Variants in KIRREL3 observed in about 807,000 individuals in gnomAD.
KIRREL3 encodes kin of IRRE-like protein 3.
A neutral mutation model predicts 89.7 loss-of-function variants in KIRREL3; 36 were observed. That is an observed-to-expected ratio of 0.40 (90% CI 0.31 to 0.53). KIRREL3 has a LOEUF of 0.53. Ranked by LOEUF, KIRREL3 falls within the 20% of genes least tolerant of loss-of-function variation. The pLI is 0.49. For synonymous variants in KIRREL3, 445 were observed against 441.4 expected (o/e 1.01, Z -0.10); for missense variants, 864 against 1,056.6 (o/e 0.82, Z 2.53).
intron 1 of KIRREL3, among the ~76,000 whole-genome samples, chr11:126,972,533 G>C (rs965038649): frequency 2.6e-5 from 4 of 152,218 alleles, no homozygotes; most frequent in South Asian, 4.1e-4. Context: ...TTCCAGCAGA[G>C]CTGGCTGCTG....
At chr11:126,925,145 A>AG (rs1947655999) in intron 1 of KIRREL3, among the ~76,000 whole-genome samples, 1 of 146,842 alleles carries the variant, frequency 6.8e-6, no homozygotes, top group African/African-American at 2.5e-5. Flanking sequence ...AAGCCCTGCA[A>AG]GGGTTTGGCT....
rs1648159000 is a variant in KIRREL3 at position 126,734,856 on chromosome 11, G to GT, written c.56-171945dup. Reference sequence around the variant, plus strand: ...AACGATTCTTGAAGAATGAATGGGAGTTAGGGGTGGTTGGGGAGGACAGTG... The same window carrying GT: ...AACGATTCTTGAAGAATGAATGGGAGTTTAGGGGTGGTTGGGGAGGACAGTG... On this transcript the variant is annotated intron_variant, in intron 1 of 16. Coordinates refer to ENST00000525144, the MANE Select transcript of KIRREL3 (RefSeq NM_032531.4). The surrounding 1 kb of genome is among the most constrained non-coding windows in gnomAD (Gnocchi z 5.9). 6.6e-6 allele frequency among the ~76,000 whole-genome samples: 1 copy of GT among 152,240 alleles called. No homozygotes were observed. Among genetic ancestry groups the GT allele is most frequent in the Admixed American group, 6.5e-5 (1 of 15,300 alleles).
At chr11:126,741,017 C>A (rs1478365111) in intron 1 of KIRREL3, among the ~76,000 whole-genome samples, 1 of 152,170 alleles carries the variant, frequency 6.6e-6, no homozygotes, top group Non-Finnish European at 1.5e-5. Context: ...ACAAGGAGCT[C>A]ATTCCTGCAG....
chr11:126,881,100 T>C (rs925778208), intron 1 of KIRREL3, among the ~76,000 whole-genome samples: 2 of 152,004 alleles, frequency 1.3e-5, no homozygotes, highest in African/African-American at 4.8e-5. Context: ...ATAACAGGAG[T>C]GACAGCCAAT....
At chr11:126,720,488 A>G (rs985540152) in intron 1 of KIRREL3, among the ~76,000 whole-genome samples, 1 of 152,264 alleles carries the variant, frequency 6.6e-6, no homozygotes, top group African/African-American at 2.4e-5. Flanking sequence ...TAGAGGAAAT[A>G]TGCTAGATTG....
intron 1 of KIRREL3, chr11:126,936,763 AG>A (rs1948207789): frequency 6.6e-6 from 1 of 152,230 alleles, no homozygotes; most frequent in Non-Finnish European, 1.5e-5. Flanking sequence ...GTGGGAATGC[AG>A]ATGATCTGCA....
At chr11:126,884,362 T>C (rs1945621075) in intron 1 of KIRREL3, among the ~76,000 whole-genome samples, 1 of 152,218 alleles carries the variant, frequency 6.6e-6, no homozygotes, top group Non-Finnish European at 1.5e-5. Flanking sequence ...ATTTAACACA[T>C]CTTTACTCAT....
In KIRREL3 at chr11:126,987,861, G is replaced by A. The variant is rs2135267121; in HGVS notation, c.55+12594C>T. Among the ~76,000 whole-genome samples the A allele has an allele frequency of 6.6e-6, 1 of 152,180 alleles. No homozygotes were observed. Among genetic ancestry groups the A allele is most frequent in the South Asian group, 2.1e-4 (1 of 4,812 alleles). On this transcript the variant is annotated intron_variant, in intron 1 of 16. Coordinates refer to ENST00000525144, the MANE Select transcript of KIRREL3 (RefSeq NM_032531.4). This position sits in a 1 kb window ranked among gnomAD's most constrained non-coding sequence, Gnocchi z 4.6. ...ATATTACAATTTTAAGCATGGCCTG[G>A]GTAGACATGTGCCATCTTCTAAAAT...
At chr11:126,966,268 T>C (rs569841500) in intron 1 of KIRREL3, among the ~76,000 whole-genome samples, 1 of 152,270 alleles carries the variant, frequency 6.6e-6, no homozygotes, top group Admixed American at 6.5e-5. Context: ...TAATATTTAA[T>C]AATGTAAAAG....
At chr11:126,738,402 C>G (rs549013464) in intron 1 of KIRREL3, among the ~76,000 whole-genome samples, 17 of 152,192 alleles carry the variant, frequency 1.1e-4, no homozygotes, top group African/African-American at 4.1e-4. Context: ...CACAGAAGGT[C>G]CCAGGCTGGC....
At chr11:126,600,295 G>A (rs1942595323) in intron 1 of KIRREL3, among the ~76,000 whole-genome samples, 2 of 152,210 alleles carry the variant, frequency 1.3e-5, no homozygotes. Context: ...AGATGGTAAA[G>A]CCCTGACTTA....
intron 1 of KIRREL3, among the ~76,000 whole-genome samples, chr11:126,631,391 C>A (rs2134884372): frequency 6.6e-6 from 1 of 152,278 alleles, no homozygotes; most frequent in East Asian, 1.9e-4. Context: ...ATTCTCAAAC[C>A]CCAGCACAAG....
rs1190977390 is a variant in KIRREL3, at chr11:126,729,930, C to T, written c.56-167018G>A. ...CAGACAGTTTTCTGCCCTTCCCTTC[C>T]TTGACATTTCTGTGACATTTGGCTC... On this transcript the variant is annotated intron_variant, in intron 1 of 16. Coordinates refer to ENST00000525144, the MANE Select transcript of KIRREL3 (RefSeq NM_032531.4). This position sits in a 1 kb window ranked among gnomAD's most constrained non-coding sequence, Gnocchi z 4.5. Among the ~76,000 whole-genome samples, 3 of 152,150 alleles carry T rather than the reference C, an allele frequency of 2.0e-5. No individual in the cohort carries two copies. The highest frequency in any genetic ancestry group is 4.4e-5 in the Non-Finnish European group (3 of 68,014).
At chr11:126,632,946 G>T (rs908061560) in intron 1 of KIRREL3, among the ~76,000 whole-genome samples, 1 of 151,616 alleles carries the variant, frequency 6.6e-6, no homozygotes, top group Non-Finnish European at 1.5e-5. Context: ...ACAAAAATTA[G>T]CCTGGTGTGG....
rs1187619912 is a variant in KIRREL3, at chr11:126,879,469, G to A, written c.55+120986C>T. On this transcript the variant is annotated intron_variant, in intron 1 of 16. Transcript: ENST00000525144. The surrounding 1 kb of genome is among the most constrained non-coding windows in gnomAD (Gnocchi z 5.4). ...GCCCCAGCTGATTTGATGTCATGCC[G>A]TTAAGATAACTATAGGTCCTTCTGA... Among the ~76,000 whole-genome samples, 1 of 152,130 alleles carries A rather than the reference G, an allele frequency of 6.6e-6. No individual in the cohort carries two copies. The highest frequency in any genetic ancestry group is 1.5e-5 in the Non-Finnish European group (1 of 68,026).
intron 1 of KIRREL3, among the ~76,000 whole-genome samples, chr11:126,681,297 C>A (rs921758312): frequency 1.3e-5 from 2 of 152,154 alleles, no homozygotes; most frequent in African/African-American, 4.8e-5. Context: ...TCCAGGTTAG[C>A]CTTACATCCA....
chr11:126,514,492 G>T (rs945420532), intron 4 of KIRREL3, among the ~76,000 whole-genome samples: 1 of 152,124 alleles, frequency 6.6e-6, no homozygotes, highest in African/African-American at 2.4e-5. Context: ...GGGATGCAGG[G>T]GTTGCTTGTT....
At chr11:126,725,686 G>T (rs1364714535) in intron 1 of KIRREL3, among the ~76,000 whole-genome samples, 4 of 152,170 alleles carry the variant, frequency 2.6e-5, no homozygotes, top group Non-Finnish European at 5.9e-5. Flanking sequence ...CCCTGAGCCC[G>T]CTCTGCCCTC....
In KIRREL3 at chr11:126,948,926, TAGG is replaced by T. The variant is rs1482606050; in HGVS notation, c.55+51526_55+51528del. 1.3e-5 allele frequency among the ~76,000 whole-genome samples: 2 copies of T among 152,184 alleles called. No homozygotes were observed. The highest frequency in any genetic ancestry group is 1.3e-4 in the Admixed American group (2 of 15,276). On this transcript the variant is annotated intron_variant, in intron 1 of 16. Coordinates refer to ENST00000525144, the MANE Select transcript of KIRREL3 (RefSeq NM_032531.4). The surrounding 1 kb of genome is among the most constrained non-coding windows in gnomAD (Gnocchi z 4.5). ...ACATATACCATATAACATGCTGGGCTAGGAGAAGAATGCCTGAAAGAAAACATG... is the reference window on the plus strand; with the variant it reads ...ACATATACCATATAACATGCTGGGCTAGAAGAATGCCTGAAAGAAAACATG...
Sources: gnomAD v4.1 joint callset for allele counts (sites outside exome capture counted in the v4.1 genomes callset) on GRCh38, gnomAD v4.1.1 for gene constraint, Gnocchi (gnomAD v3.1) non-coding constraint, MANE v1.5 for transcripts, NCBI Gene and HGNC (gene_info 2026-07-23, HGNC 2026-07-21) for gene names.